The following CTNND2 variants were observed in gnomAD, a reference collection of about 807,000 sequenced individuals.
The protein encoded by CTNND2 is catenin delta 2.
A neutral mutation model predicts 144.4 loss-of-function variants in CTNND2; 22 were observed. The ratio of observed to expected loss-of-function variants is 0.15; its 90% confidence interval spans 0.11 to 0.22. CTNND2 has a LOEUF of 0.22. Among genes scored for constraint, CTNND2 ranks in the 10% least tolerant of loss-of-function variants. CTNND2 has a pLI of 1.00. For synonymous variants in CTNND2, 751 were observed against 695.6 expected (o/e 1.08, Z -1.25); for missense variants, 1,353 against 1,618.8 (o/e 0.84, Z 2.82).
chr5:11,318,233 G>T (rs1472229138), intron 9 of CTNND2, among the ~76,000 whole-genome samples: 1 of 152,096 alleles, frequency 6.6e-6, no homozygotes, highest in East Asian at 1.9e-4. Context: ...CACCAGGCTA[G>T]ACCCAAAGTC....
chr5:11,399,657 A>C lies in CTNND2; in HGVS notation c.440-2454T>G, dbSNP rs568427891. Among the ~76,000 whole-genome samples the C allele has an allele frequency of 1.3e-3, 200 of 152,350 alleles. 1 individual carries two copies. The highest frequency in any genetic ancestry group is 0.01 in the Middle Eastern group (3 of 294). On this transcript the variant is annotated intron_variant, in intron 5 of 21. Transcript: ENST00000304623. ...GAATAATGAAATCTCTTCATCTTTTATAGAATCAGTTGTGTATTTGATCAG... is the reference window on the plus strand; with the variant it reads ...GAATAATGAAATCTCTTCATCTTTTCTAGAATCAGTTGTGTATTTGATCAG...
intron 1 of CTNND2, among the ~76,000 whole-genome samples, chr5:11,775,126 T>A (rs1488896912): frequency 6.6e-6 from 1 of 152,054 alleles, no homozygotes; most frequent in African/African-American, 2.4e-5. Flanking sequence ...AAAAGTGCGG[T>A]TTTTACCACA....
chr5:11,061,876 T>G lies in CTNND2; in HGVS notation c.2788+20820A>C, dbSNP rs565888293. ...GGCACCCACTACCACACCCGGCTAA[T>G]TTTTATATTTTTAGTAGAGATGGGG... On this transcript the variant is annotated intron_variant, in intron 16 of 21. Coordinates refer to ENST00000304623, the MANE Select transcript of CTNND2 (RefSeq NM_001332.4). Among the ~76,000 whole-genome samples the G allele has an allele frequency of 4.5e-4, 69 of 152,208 alleles. 1 individual carries two copies. The highest frequency in any genetic ancestry group is 1.6e-3 in the African/African-American group (66 of 41,540).
chr5:11,700,046 T>C (rs1295672831), intron 2 of CTNND2, among the ~76,000 whole-genome samples: 1 of 152,178 alleles, frequency 6.6e-6, no homozygotes, highest in Non-Finnish European at 1.5e-5. Context: ...GGTAGGTAGT[T>C]GTGTTTAACA....
intron 3 of CTNND2, among the ~76,000 whole-genome samples, chr5:11,528,877 C>T (rs1773492931): frequency 6.6e-6 from 1 of 152,194 alleles, no homozygotes; most frequent in Non-Finnish European, 1.5e-5. Context: ...CCAGGTGGCC[C>T]CAGAGGCTGC....
In CTNND2 at chr5:11,117,186, C is replaced by T. The variant is rs61753321; in HGVS notation, c.2277+264G>A. On this transcript the variant is annotated intron_variant, in intron 13 of 21. Transcript: ENST00000304623. ...GCAACGTGGTATTCAAGTTTATACACTCAACTGGAACACCTGTGGTTTGAG... is the reference window on the plus strand; with the variant it reads ...GCAACGTGGTATTCAAGTTTATACATTCAACTGGAACACCTGTGGTTTGAG... Among the ~76,000 whole-genome samples the T allele has an allele frequency of 0.023, 3,484 of 151,336 alleles. 142 individuals are homozygous for T. The highest frequency in any genetic ancestry group is 0.081 in the African/African-American group (3,325 of 41,300).
At chr5:11,541,654 T>A (rs1042739464) in intron 3 of CTNND2, among the ~76,000 whole-genome samples, 1 of 152,170 alleles carries the variant, frequency 6.6e-6, no homozygotes, top group African/African-American at 2.4e-5. Context: ...AGTTTTCTTG[T>A]CTTTGCTAAG....
intron 3 of CTNND2, among the ~76,000 whole-genome samples, chr5:11,515,110 C>CAAA (rs1772036229): frequency 1.2e-5 from 1 of 85,280 alleles, no homozygotes; most frequent in African/African-American, 7.4e-5. Context: ...TTAATGCACA[C>CAAA]CAAAAAAAAA....
At chr5:11,442,825 GATTAT>G (rs201890507) in intron 3 of CTNND2, among the ~76,000 whole-genome samples, 11,730 of 143,962 alleles carry the variant, frequency 0.081, 517 homozygotes, top group South Asian at 0.12. Context: ...AATATATAAT[GATTAT>G]ATTATAATTT....
intron 11 of CTNND2, among the ~76,000 whole-genome samples, chr5:11,186,071 C>T (rs1735589429): frequency 6.6e-6 from 1 of 152,208 alleles, no homozygotes; most frequent in South Asian, 2.1e-4. Context: ...AAAAACTTTC[C>T]TTTAAGCCTT....
At chr5:11,348,437 CAAAAAAAAA>C (rs3034056) in intron 8 of CTNND2, among the ~76,000 whole-genome samples, 1 of 114,722 alleles carries the variant, frequency 8.7e-6, no homozygotes, top group South Asian at 2.9e-4. Flanking sequence ...AAATCAAGGG[CAAAAAAAAA>C]AAAAAAAAAA....
At chr5:11,221,012 T>C (rs1335131339) in intron 10 of CTNND2, among the ~76,000 whole-genome samples, 2 of 152,208 alleles carry the variant, frequency 1.3e-5, no homozygotes, top group East Asian at 1.9e-4. Flanking sequence ...TTAAGAAGGA[T>C]TGTAAGTACA....
At chr5:11,732,368 T>G in intron 1 of CTNND2, 96 bp from the exon 2 acceptor site, 1 of 1,224,638 alleles carries the variant, frequency 8.2e-7, no homozygotes, top group Non-Finnish European at 1.1e-6. Context: ...GAAAAAAAAG[T>G]AAAACTATAA....
intron 1 of CTNND2, among the ~76,000 whole-genome samples, chr5:11,832,005 C>T (rs769348345): frequency 2.0e-5 from 3 of 152,114 alleles, no homozygotes; most frequent in African/African-American, 4.8e-5. Context: ...AAGCTCTGGC[C>T]GGGCACAGTG....
At chr5:11,224,790 G>T (rs1740156608) in intron 10 of CTNND2, among the ~76,000 whole-genome samples, 1 of 151,996 alleles carries the variant, frequency 6.6e-6, no homozygotes, top group African/African-American at 2.4e-5. Flanking sequence ...GAGTCTTTCT[G>T]GTTTACTTCC....
chr5:11,281,315 G>A (rs542421197), intron 9 of CTNND2, among the ~76,000 whole-genome samples: 2 of 152,108 alleles, frequency 1.3e-5, no homozygotes, highest in Non-Finnish European at 2.9e-5. Flanking sequence ...AAATGTTCAC[G>A]AACTCCATCA....
intron 7 of CTNND2, among the ~76,000 whole-genome samples, chr5:11,370,708 T>G (rs557388942): frequency 3.3e-5 from 5 of 152,348 alleles, no homozygotes; most frequent in African/African-American, 1.2e-4. Context: ...AGTATCAATA[T>G]AGTTTATAAG....
At chr5:11,298,140 C>T (rs898858891) in intron 9 of CTNND2, among the ~76,000 whole-genome samples, 6 of 152,134 alleles carry the variant, frequency 3.9e-5, no homozygotes, top group African/African-American at 1.4e-4. Context: ...TAAGTGACAA[C>T]AAAATCCTCA....
intron 9 of CTNND2, among the ~76,000 whole-genome samples, chr5:11,341,104 C>G (rs1475408001): frequency 6.6e-6 from 1 of 152,024 alleles, no homozygotes; most frequent in African/African-American, 2.4e-5. Context: ...ACTGTTGGGC[C>G]CAGAAGTGAC....
Sources: allele counts gnomAD v4.1 joint callset (sites outside exome capture counted in the v4.1 genomes callset), GRCh38; gene constraint gnomAD v4.1.1; transcripts MANE v1.5; gene names NCBI Gene and HGNC (gene_info 2026-07-23, HGNC 2026-07-21).